CNTN5: variants seen among roughly 807,000 people sequenced by gnomAD.
CNTN5 encodes the protein contactin-5.
A neutral mutation model predicts 129.1 loss-of-function variants in CNTN5; 77 were observed. The ratio of observed to expected loss-of-function variants is 0.60; its 90% confidence interval spans 0.50 to 0.72. The LOEUF (loss-of-function observed/expected upper bound fraction) is 0.72, where lower values mean the gene tolerates loss of function less well. Among genes scored for constraint, CNTN5 ranks in the 30% least tolerant of loss-of-function variants. The pLI, the probability that CNTN5 is intolerant of heterozygous loss-of-function variation, is 0.00. For missense variants in CNTN5, 1,478 were observed against 1,328.8 expected, an observed-to-expected ratio of 1.11 and a Z score of -1.75; for synonymous variants, 509 against 465.6, an observed-to-expected ratio of 1.09 and a Z score of -1.20.
intron 4 of CNTN5, among the ~76,000 whole-genome samples, chr11:99,825,414 G>A (rs551382959): frequency 5.3e-5 from 8 of 151,848 alleles, no homozygotes; most frequent in South Asian, 4.2e-4. Flanking sequence ...AAACATATGC[G>A]TCCTTTAGTG....
intron 3 of CNTN5, among the ~76,000 whole-genome samples, chr11:99,768,187 T>G (rs748384497): frequency 2.6e-5 from 4 of 152,150 alleles, no homozygotes; most frequent in Non-Finnish European, 4.4e-5. Context: ...AAAATTTTGC[T>G]ACATCTGTTT....
chr11:99,080,298 G>T (rs1865737641), intron 1 of CNTN5, among the ~76,000 whole-genome samples: 1 of 152,170 alleles, frequency 6.6e-6, no homozygotes, highest in Non-Finnish European at 1.5e-5. Context: ...ATAATGACAG[G>T]AATCTGAATA....
chr11:99,759,597 T>C (rs1944512416), intron 3 of CNTN5, among the ~76,000 whole-genome samples: 1 of 151,672 alleles, frequency 6.6e-6, no homozygotes, highest in South Asian at 2.1e-4. Flanking sequence ...TTATATTAAT[T>C]CAGGTGTGAA....
intron 3 of CNTN5, among the ~76,000 whole-genome samples, chr11:99,570,755 A>G (rs568368450): frequency 7.9e-5 from 12 of 152,170 alleles, no homozygotes; most frequent in Non-Finnish European, 1.6e-4. Context: ...AATTCCCATA[A>G]AGAAATTAAA....
At chr11:99,655,112 C>G (rs1013991099) in intron 3 of CNTN5, among the ~76,000 whole-genome samples, 1 of 151,954 alleles carries the variant, frequency 6.6e-6, no homozygotes, top group Non-Finnish European at 1.5e-5. Flanking sequence ...GGTCTTCAAA[C>G]TGGTAGGTAG....
intron 3 of CNTN5, among the ~76,000 whole-genome samples, chr11:99,717,295 C>G (rs1234016745): frequency 6.6e-6 from 1 of 151,878 alleles, no homozygotes; most frequent in Non-Finnish European, 1.5e-5. Context: ...TAAGGAAAGT[C>G]TTATATACAG....
At chr11:100,094,253 ACTT>A (rs753109914) in intron 13 of CNTN5, among the ~76,000 whole-genome samples, 4 of 151,822 alleles carry the variant, frequency 2.6e-5, no homozygotes, top group Middle Eastern at 3.2e-3. Flanking sequence ...TTGACTGAAA[ACTT>A]CTTCTTTCTC....
chr11:99,743,214 C>G (rs2135169733), intron 3 of CNTN5, among the ~76,000 whole-genome samples: 1 of 152,282 alleles, frequency 6.6e-6, no homozygotes, highest in East Asian at 1.9e-4. Context: ...TTTTAAAATC[C>G]TATGCCTGAT....
intron 3 of CNTN5, among the ~76,000 whole-genome samples, chr11:99,744,762 A>AT (rs1943999576): frequency 6.6e-6 from 1 of 151,060 alleles, no homozygotes; most frequent in South Asian, 2.1e-4. Context: ...TATAACAGCT[A>AT]TAATTGTGAT....
intron 1 of CNTN5, among the ~76,000 whole-genome samples, chr11:99,318,575 G>A (rs916054364): frequency 6.6e-5 from 10 of 151,122 alleles, no homozygotes; most frequent in African/African-American, 2.2e-4. Context: ...CTCTCCAATC[G>A]GCAATGGCAG....
intron 2 of CNTN5, among the ~76,000 whole-genome samples, chr11:99,403,855 G>A (rs4754619): frequency 0.75 from 113,407 of 152,124 alleles, 43,144 homozygotes; most frequent in African/African-American, 0.9. Context: ...AGTTTTATAA[G>A]TATCTATTAT....
chr11:99,116,396 T>C (rs937856225), intron 1 of CNTN5, among the ~76,000 whole-genome samples: 10 of 152,202 alleles, frequency 6.6e-5, no homozygotes, highest in Admixed American at 4.6e-4. Context: ...TAGTAACTTT[T>C]CATTTTGGAG....
At chr11:99,490,422 T>G (rs2135347182) in intron 2 of CNTN5, among the ~76,000 whole-genome samples, 1 of 152,334 alleles carries the variant, frequency 6.6e-6, no homozygotes, top group African/African-American at 2.4e-5. Flanking sequence ...AGTCCATACA[T>G]AATTATTTAG....
rs755605041 is a variant in CNTN5, at chr11:99,201,022, C to CTTTTT, written c.-209-124305_-209-124301dup. On this transcript the variant is annotated intron_variant, in intron 1 of 24. Coordinates refer to ENST00000524871, the MANE Select transcript of CNTN5 (RefSeq NM_014361.4). ...CCTGCCTTCCTTCCTTCCTTCCTTCCTTTTTTTTTTTTTTTTTTTTTTTCC... is the reference window on the plus strand; with the variant it reads ...CCTGCCTTCCTTCCTTCCTTCCTTCCTTTTTTTTTTTTTTTTTTTTTTTTTTTTCC... Among the ~76,000 whole-genome samples, 45 of 83,174 alleles carry CTTTTT rather than the reference C, an allele frequency of 5.4e-4. 2 individuals are homozygous for CTTTTT. The highest frequency in any genetic ancestry group is 7.7e-4 in the African/African-American group (17 of 21,950). The allele number at this position is 83,174 out of a possible 152,430, so 54.6% of individuals were successfully genotyped here. A position where few individuals can be genotyped will look rare whatever the true frequency, so the allele number is the denominator to read the frequency against.
intron 3 of CNTN5, among the ~76,000 whole-genome samples, chr11:99,701,668 T>A (rs1163217646): frequency 1.3e-5 from 2 of 151,118 alleles, no homozygotes; most frequent in African/African-American, 2.4e-5. Context: ...TAGAAATAAA[T>A]AGAAAATGTT....
intron 9 of CNTN5, among the ~76,000 whole-genome samples, chr11:100,039,096 G>A (rs1447633718): frequency 6.6e-6 from 1 of 152,172 alleles, no homozygotes; most frequent in Non-Finnish European, 1.5e-5. Flanking sequence ...TGTTTTTGCA[G>A]TGGCTGGTTC....
intron 3 of CNTN5, among the ~76,000 whole-genome samples, chr11:99,570,186 T>A (rs17133823): frequency 0.051 from 7,746 of 151,828 alleles, 458 homozygotes; most frequent in East Asian, 0.28. Flanking sequence ...GCCTCTTTAC[T>A]TGTTTCTCTA....
intron 2 of CNTN5, among the ~76,000 whole-genome samples, chr11:99,418,947 C>T (rs1157510305): frequency 6.6e-6 from 1 of 152,128 alleles, no homozygotes; most frequent in African/African-American, 2.4e-5. Context: ...ATAACATATG[C>T]TTTGCCACTT....
chr11:99,326,034 A>G (rs1865775267), intron 2 of CNTN5, among the ~76,000 whole-genome samples: 1 of 152,242 alleles, frequency 6.6e-6, no homozygotes. Context: ...ACAGCTCCGC[A>G]TTCTTACATA....
Sources: allele counts gnomAD v4.1 joint callset (sites outside exome capture counted in the v4.1 genomes callset), GRCh38; gene constraint gnomAD v4.1.1; transcripts MANE v1.5; gene names NCBI Gene and HGNC (gene_info 2026-07-23, HGNC 2026-07-21).